MIPOL1: variants seen among roughly 807,000 people sequenced by gnomAD.
MIPOL1 encodes the protein mirror-image polydactyly 1.
Under a neutral mutation model 60.9 loss-of-function variants are expected in MIPOL1, and 57 were observed. The observed-to-expected ratio is 0.94, with a 90% CI of 0.76 to 1.17. The LOEUF (loss-of-function observed/expected upper bound fraction) is 1.17, where lower values mean the gene tolerates loss of function less well. Ranked by LOEUF, MIPOL1 falls within the 50% of genes most tolerant of loss-of-function variation. The pLI is 0.00. For missense variants in MIPOL1, 551 were observed against 511.6 expected, an observed-to-expected ratio of 1.08 and a Z score of -0.74; for synonymous variants, 179 against 168.8, an observed-to-expected ratio of 1.06 and a Z score of -0.47.
chr14:37,472,583 A>G (rs2094704152), intron 11 of MIPOL1, among the ~76,000 whole-genome samples: 2 of 152,298 alleles, frequency 1.3e-5, no homozygotes, highest in Middle Eastern at 6.8e-3. Flanking sequence ...ATTTTTAACT[A>G]AGTGTCTTCA....
intron 11 of MIPOL1, among the ~76,000 whole-genome samples, chr14:37,440,291 A>C (rs2094221425): frequency 6.6e-6 from 1 of 152,234 alleles, no homozygotes; most frequent in African/African-American, 2.4e-5. Context: ...TTATTATATA[A>C]ACTTATGTGG....
At chr14:37,394,090 A>C (rs771064980) in intron 10 of MIPOL1, among the ~76,000 whole-genome samples, 1 of 129,310 alleles carries the variant, frequency 7.7e-6, no homozygotes, top group Non-Finnish European at 1.7e-5. Context: ...ATATATCTCC[A>C]TGTTCTATCA....
At chr14:37,345,126 C>T (rs961499347) in intron 9 of MIPOL1, among the ~76,000 whole-genome samples, 1 of 151,850 alleles carries the variant, frequency 6.6e-6, no homozygotes, top group Non-Finnish European at 1.5e-5. Flanking sequence ...GAGGCAGGGT[C>T]TTGCTTTGTC....
intron 11 of MIPOL1, among the ~76,000 whole-genome samples, chr14:37,424,563 A>G (rs2093929717): frequency 6.6e-6 from 1 of 152,174 alleles, no homozygotes; most frequent in Non-Finnish European, 1.5e-5. Context: ...GAACTATGTG[A>G]TATTAAATAT....
intron 3 of MIPOL1, among the ~76,000 whole-genome samples, chr14:37,248,529 G>A (rs1186066299): frequency 2.6e-5 from 4 of 152,028 alleles, no homozygotes; most frequent in African/African-American, 4.8e-5. Context: ...TACAGAGAAA[G>A]AGATGTACAT....
At chr14:37,378,745 A>C (rs1164552094) in intron 10 of MIPOL1, among the ~76,000 whole-genome samples, 1 of 152,012 alleles carries the variant, frequency 6.6e-6, no homozygotes, top group African/African-American at 2.4e-5. Context: ...AAAGGAAAGA[A>C]GGTACTTTCC....
intron 1 of MIPOL1, among the ~76,000 whole-genome samples, chr14:37,226,078 T>C (rs969190873): frequency 1.3e-5 from 2 of 152,168 alleles, no homozygotes; most frequent in Admixed American, 1.3e-4. Flanking sequence ...GACTTTATTG[T>C]CCATATTGCT....
intron 9 of MIPOL1, among the ~76,000 whole-genome samples, chr14:37,368,454 G>A (rs935503284): frequency 5.9e-5 from 9 of 152,024 alleles, no homozygotes; most frequent in Non-Finnish European, 1.3e-4. Context: ...TTGGATGATA[G>A]CTGCGTCATG....
chr14:37,331,581 G>C (rs1338983229), intron 9 of MIPOL1, among the ~76,000 whole-genome samples: 2 of 150,628 alleles, frequency 1.3e-5, no homozygotes, highest in African/African-American at 4.9e-5. Flanking sequence ...TTCACTGTTG[G>C]CATATAGAAA....
intron 6 of MIPOL1, among the ~76,000 whole-genome samples, chr14:37,275,431 T>C (rs1567240516): frequency 6.6e-6 from 1 of 151,306 alleles, no homozygotes; most frequent in Admixed American, 6.6e-5. Context: ...AAATTTATTT[T>C]AGTTAAATTG....
chr14:37,358,858 T>C (rs2092031550), intron 9 of MIPOL1, among the ~76,000 whole-genome samples: 1 of 152,224 alleles, frequency 6.6e-6, no homozygotes, highest in African/African-American at 2.4e-5. Context: ...TTTGTCAATT[T>C]TGGCTTTTGT....
intron 11 of MIPOL1, among the ~76,000 whole-genome samples, chr14:37,440,980 T>G (rs2094235538): frequency 6.6e-6 from 1 of 152,202 alleles, no homozygotes; most frequent in Non-Finnish European, 1.5e-5. Context: ...GATGTCTCAT[T>G]GAAATTTTAA....
chr14:37,366,175 T>C (rs2047734254), intron 9 of MIPOL1, among the ~76,000 whole-genome samples: 1 of 152,058 alleles, frequency 6.6e-6, no homozygotes, highest in Non-Finnish European at 1.5e-5. Context: ...TGCTCTGATC[T>C]TTATTGTTTC....
intron 1 of MIPOL1, among the ~76,000 whole-genome samples, chr14:37,200,901 T>G (rs1446766467): frequency 8.2e-5 from 4 of 48,816 alleles, no homozygotes; most frequent in African/African-American, 1.3e-4. Context: ...TGTGTGTGTA[T>G]TTTTTTTTTT....
intron 9 of MIPOL1, among the ~76,000 whole-genome samples, chr14:37,356,298 T>A (rs1430348663): frequency 2.0e-5 from 3 of 151,744 alleles, no homozygotes; most frequent in Non-Finnish European, 4.4e-5. Flanking sequence ...GGAGAACCAC[T>A]GCTCTCTTCA....
chr14:37,318,824 T>TTTATTTAG (rs1300824602), intron 9 of MIPOL1, among the ~76,000 whole-genome samples: 40 of 148,254 alleles, frequency 2.7e-4, no homozygotes, highest in African/African-American at 1.0e-3. Context: ...TATTTATTTA[T>TTTATTTAG]TTAGTTAGTT....
intron 9 of MIPOL1, among the ~76,000 whole-genome samples, chr14:37,355,278 T>C (rs905684697): frequency 2.4e-5 from 3 of 125,670 alleles, no homozygotes; most frequent in Non-Finnish European, 3.4e-5. Context: ...AGAGATCTGC[T>C]GTTAGTCTGA....
intron 11 of MIPOL1, among the ~76,000 whole-genome samples, chr14:37,427,614 ACT>A (rs373526463): frequency 3.9e-5 from 6 of 152,238 alleles, no homozygotes; most frequent in African/African-American, 1.2e-4. Context: ...TACAGAGAAC[ACT>A]CTGTGAGGAT....
downstream of MIPOL1, chr14:37,551,354 T>C (rs567159688): frequency 6.6e-6 from 1 of 152,242 alleles, no homozygotes; most frequent in African/African-American, 2.4e-5. Flanking sequence ...CTATAAAATA[T>C]ATTGCAGTAA....
Sources: allele counts gnomAD v4.1 joint callset (sites outside exome capture counted in the v4.1 genomes callset), GRCh38; gene constraint gnomAD v4.1.1; transcripts MANE v1.5; gene names NCBI Gene and HGNC (gene_info 2026-07-23, HGNC 2026-07-21).